Variants in ERICH5 observed in about 807,000 individuals in gnomAD.
ERICH5 encodes the protein glutamate-rich protein 5.
ERICH5 carries 24 observed loss-of-function variants against 28.0 expected under a neutral mutation model. The observed-to-expected ratio is 0.86, with a 90% CI of 0.62 to 1.21. The LOEUF (loss-of-function observed/expected upper bound fraction) is 1.21, where lower values mean the gene tolerates loss of function less well. Among genes scored for constraint, ERICH5 ranks in the 50% most tolerant of loss-of-function variants. ERICH5 has a pLI of 0.00. For missense variants in ERICH5, 421 were observed against 441.2 expected (o/e 0.95, Z 0.41); for synonymous variants, 163 against 157.6 (o/e 1.03, Z -0.25).
At chr8:98,073,643 A>G (rs1814993248) in intron 1 of ERICH5, among the ~76,000 whole-genome samples, 1 of 146,176 alleles carries the variant, frequency 6.8e-6, no homozygotes, top group Non-Finnish European at 1.5e-5. Flanking sequence ...CCCGGGTTCA[A>G]GTGATTCTCC....
intron 1 of ERICH5, among the ~76,000 whole-genome samples, chr8:98,067,812 T>A (rs1396287109): frequency 5.9e-5 from 9 of 151,804 alleles, no homozygotes; most frequent in Non-Finnish European, 1.5e-5. Context: ...ACAGGGTTTC[T>A]CCATGTTGGT....
At chr8:98,084,916 C>T (rs76103948) in intron 1 of ERICH5, among the ~76,000 whole-genome samples, 21 of 152,048 alleles carry the variant, frequency 1.4e-4, no homozygotes, top group African/African-American at 4.3e-4. Flanking sequence ...TCCTGTCTAC[C>T]CAATCCCAGT....
At chr8:98,080,462 G>A (rs1034871577) in intron 1 of ERICH5, among the ~76,000 whole-genome samples, 1 of 152,174 alleles carries the variant, frequency 6.6e-6, no homozygotes, top group Non-Finnish European at 1.5e-5. Flanking sequence ...TAAGCTGAGG[G>A]TTATGTAATC....
intron 2 of ERICH5, among the ~76,000 whole-genome samples, chr8:98,091,916 T>TCTTTCTTTCTTTCTTTCTTC (rs1815408216): frequency 2.2e-5 from 2 of 90,484 alleles, no homozygotes; most frequent in African/African-American, 9.4e-5. Flanking sequence ...TTTCTTTCTT[T>TCTTTCTTTCTTTCTTTCTTC]CTTCCTTTCT....
intron 2 of ERICH5, among the ~76,000 whole-genome samples, chr8:98,091,900 C>CTTTCTTCCTTTCTTTCTTTCTTT: frequency 2.7e-4 from 20 of 74,708 alleles, no homozygotes; most frequent in African/African-American, 1.0e-3. Context: ...TTCTTTCTTT[C>CTTTCTTCCTTTCTTTCTTTCTTT]CTTTCTTTCT....
intron 1 of ERICH5, among the ~76,000 whole-genome samples, chr8:98,088,161 A>C (rs922571132): frequency 2.0e-5 from 3 of 152,214 alleles, no homozygotes; most frequent in Admixed American, 1.3e-4. Context: ...TTTTAGATTA[A>C]ATTTTCAAGA....
At position 98,093,245 on chromosome 8, in the gene ERICH5, C is replaced by T; in HGVS notation, c.1037C>T (p.Thr346Ile). The T allele has an allele frequency of 6.2e-7, 1 of 1,613,492 alleles. No homozygotes were observed. Among genetic ancestry groups the T allele is most frequent in the Non-Finnish European group, 8.5e-7 (1 of 1,179,686 alleles). Residue 346 changes from threonine to isoleucine, a missense_variant, in exon 3 of 3, where the codon ACA becomes ATA. Transcript: ENST00000318528. ...IEGETGEKVE[T>I]DMENEKVSEG... Reference sequence around the variant, plus strand: ...GGTGAGACAGGGGAAAAGGTGGAAACAGACATGGAGAATGAGAAAGTGAGT... The same window carrying T: ...GGTGAGACAGGGGAAAAGGTGGAAATAGACATGGAGAATGAGAAAGTGAGT...
At chr8:98,077,328 C>T (rs1351615713) in intron 1 of ERICH5, among the ~76,000 whole-genome samples, 1 of 152,172 alleles carries the variant, frequency 6.6e-6, no homozygotes, top group Non-Finnish European at 1.5e-5. Context: ...CATCTTCCTT[C>T]CTGTCTCCTT....
rs1412035879 is a variant in ERICH5, at chr8:98,091,940, T to C, written c.1013-1281T>C. ...TTCTTCCTTTCTTTCTTTCTTCCTT[T>C]CTTTCTTTCTTCTTTCTTTCTTTTT... On this transcript the variant is annotated intron_variant, in intron 2 of 2. Coordinates refer to ENST00000318528, the MANE Select transcript of ERICH5 (RefSeq NM_173549.3). Among the ~76,000 whole-genome samples the C allele has an allele frequency of 2.6e-3, 80 of 30,760 alleles. 6 individuals carry two copies. Among genetic ancestry groups the C allele is most frequent in the African/African-American group, 7.5e-3 (73 of 9,676 alleles). 20.2% of individuals were successfully genotyped at this position (30,760 alleles called of 152,430 possible). A position where few individuals can be genotyped will look rare whatever the true frequency, so the allele number is the denominator to read the frequency against.
intron 1 of ERICH5, among the ~76,000 whole-genome samples, chr8:98,085,549 A>G (rs1468344108): frequency 6.9e-6 from 1 of 145,852 alleles, no homozygotes; most frequent in Non-Finnish European, 1.5e-5. Flanking sequence ...AGATGCTATG[A>G]ACATTTGTGT....
chr8:98,081,894 C>T (rs1447235165), intron 1 of ERICH5, among the ~76,000 whole-genome samples: 2 of 151,586 alleles, frequency 1.3e-5, no homozygotes, highest in Non-Finnish European at 2.9e-5. Flanking sequence ...CACCATTGCA[C>T]TCCAGCCTGG....
intron 2 of ERICH5, among the ~76,000 whole-genome samples, chr8:98,092,997 C>A: frequency 6.6e-6 from 1 of 152,028 alleles, no homozygotes; most frequent in East Asian, 1.9e-4. Flanking sequence ...GGCTCCTGAA[C>A]TCCTGACCTC....
At chr8:98,070,379 G>A (rs931542727) in intron 1 of ERICH5, among the ~76,000 whole-genome samples, 7 of 151,334 alleles carry the variant, frequency 4.6e-5, no homozygotes, top group South Asian at 2.1e-4. Context: ...AAAAGAGGCC[G>A]GGCGCAGTGG....
intron 2 of ERICH5, among the ~76,000 whole-genome samples, chr8:98,091,197 A>G (rs1238478056): frequency 5.3e-5 from 8 of 152,104 alleles, no homozygotes; most frequent in East Asian, 1.9e-4. Flanking sequence ...CGGCCTCCCA[A>G]AGTGCCGGGA....
chr8:98,072,670 G>A (rs1228037333), intron 1 of ERICH5, among the ~76,000 whole-genome samples: 1 of 151,982 alleles, frequency 6.6e-6, no homozygotes, highest in African/African-American at 2.4e-5. Context: ...AAATTAAAAA[G>A]GAAGTGTTGG....
intron 1 of ERICH5, among the ~76,000 whole-genome samples, chr8:98,085,458 C>T (rs964775774): frequency 3.9e-5 from 6 of 152,010 alleles, no homozygotes; most frequent in African/African-American, 1.5e-4. Flanking sequence ...CCACCGCTCC[C>T]GGCCGTTCCA....
chr8:98,093,232 GA>G lies in ERICH5; in HGVS notation c.1028del (p.Lys343ArgfsTer11). The G allele has an allele frequency of 6.2e-7, 1 of 1,612,668 alleles. No homozygotes were observed. On this transcript the variant is annotated frameshift_variant, in exon 3 of 3. Transcript: ENST00000318528. LOFTEE classifies it high-confidence loss of function. ...EDQRIEGETGEKVETDMENEK... is the reference protein window; with the variant it reads ...EDQRIEGETGXKVETDMENEK... ...GGTTACTTTTCCAGGTGAGACAGGG[GA>G]AAAGGTGGAAACAGACATGGAGAAT...
At chr8:98,069,601 C>T (rs1377075706) in intron 1 of ERICH5, among the ~76,000 whole-genome samples, 4 of 152,112 alleles carry the variant, frequency 2.6e-5, no homozygotes, top group Non-Finnish European at 5.9e-5. Context: ...ATTTAACCAG[C>T]CCCCCTATTG....
intron 1 of ERICH5, among the ~76,000 whole-genome samples, chr8:98,069,702 G>C (rs931112044): frequency 2.0e-5 from 3 of 152,220 alleles, no homozygotes; most frequent in African/African-American, 7.2e-5. Flanking sequence ...ATGTGTGCAA[G>C]TATATCTGTA....
Sources: gnomAD v4.1 joint callset for allele counts (sites outside exome capture counted in the v4.1 genomes callset) on GRCh38, gnomAD v4.1.1 for gene constraint, MANE v1.5 for transcripts, NCBI Gene and HGNC (gene_info 2026-07-23, HGNC 2026-07-21) for gene names.